Variants in TRERF1 observed in about 807,000 individuals in gnomAD.
TRERF1 encodes transcriptional-regulating factor 1.
In TRERF1, 27 loss-of-function variants were observed where a neutral mutation model predicts 122.9. The ratio of observed to expected loss-of-function variants is 0.22; its 90% confidence interval spans 0.16 to 0.30. The LOEUF (loss-of-function observed/expected upper bound fraction) is 0.30, where lower values mean the gene tolerates loss of function less well. TRERF1 is among the 10% of genes least tolerant of loss of function. The pLI is 1.00. For synonymous variants in TRERF1, 636 were observed against 641.7 expected (o/e 0.99, Z 0.13); for missense variants, 1,248 against 1,560.3 (o/e 0.80, Z 3.37).
At chr6:42,271,738 A>G (rs1780259931) in intron 4 of TRERF1, among the ~76,000 whole-genome samples, 1 of 152,316 alleles carries the variant, frequency 6.6e-6, no homozygotes, top group Admixed American at 6.5e-5. Context: ...AATAATTGTG[A>G]TAACTCAAAC....
intron 2 of TRERF1, among the ~76,000 whole-genome samples, chr6:42,442,899 C>A (rs1233744760): frequency 6.6e-6 from 1 of 152,138 alleles, no homozygotes; most frequent in Non-Finnish European, 1.5e-5. Flanking sequence ...ACAGGTGACT[C>A]TTAGTTGATC....
Position 42,268,646 on chromosome 6 carries a change from C to T in TRERF1, c.945G>A (p.Gln315=), listed in dbSNP as rs1254440144. 8.7e-6 allele frequency: 14 copies of T among 1,614,136 alleles called. No homozygotes were observed. The South Asian group carries it at 1.4e-4, about 16-fold the overall frequency. Residue 315 remains glutamine (Q), a synonymous_variant, in exon 5 of 18, where the codon CAG becomes CAA. Coordinates refer to ENST00000372922, the Ensembl canonical transcript of TRERF1. The surrounding 1 kb of genome is among the most constrained non-coding windows in gnomAD (Gnocchi z 4.4). ...GTATCTGCATTGAACCCTGCCGCTG[C>T]TGCAGCTGTAGCTGCTGCGGCTGCT...
intron 13 of TRERF1, among the ~76,000 whole-genome samples, chr6:42,247,966 A>C (rs1194062490): frequency 6.6e-6 from 1 of 152,182 alleles, no homozygotes. Context: ...TAGTACCCCA[A>C]ATCATAATAT....
At position 42,259,833 on chromosome 6, in the gene TRERF1, T is replaced by C; in HGVS notation, c.1885-110A>G. The C allele has an allele frequency of 4.7e-6, 7 of 1,475,126 alleles. No individual in the cohort carries two copies. The highest frequency in any genetic ancestry group is 4.5e-6 in the Non-Finnish European group (5 of 1,101,788). 91.4% of individuals were successfully genotyped at this position (1,475,126 alleles called of 1,614,324 possible). On this transcript the variant is annotated intron_variant, in intron 8 of 17. Coordinates refer to ENST00000372922, the Ensembl canonical transcript of TRERF1. This position sits in a 1 kb window ranked among gnomAD's most constrained non-coding sequence, Gnocchi z 4.9. The stretch of plus-strand genomic sequence containing the variant: ...CTGTCTAAGCAGAGAGCCCTTCTGC[T>C]TGACCCCCCCACCCCCAACGCCCCC...
rs1273827839 is a variant in TRERF1, at chr6:42,268,622, T to C, written c.969A>G (p.Ile323Met). 3 of 1,613,826 alleles carry C rather than the reference T, an allele frequency of 1.9e-6. No individual in the cohort carries two copies. Among genetic ancestry groups the C allele is most frequent in the East Asian group, 2.2e-5 (1 of 44,894 alleles). The change falls in exon 5 of 18, where the codon ATA becomes ATG. Residue 323 changes from isoleucine to methionine, a missense_variant. Coordinates refer to ENST00000372922, the Ensembl canonical transcript of TRERF1. This position sits in a 1 kb window ranked among gnomAD's most constrained non-coding sequence, Gnocchi z 4.4. Reference sequence around the variant, plus strand: ...TGGGTTGGGGCTGATAATACTGAGGTATCTGCATTGAACCCTGCCGCTGCT... The same window carrying C: ...TGGGTTGGGGCTGATAATACTGAGGCATCTGCATTGAACCCTGCCGCTGCT...
At chr6:42,349,451 G>A (rs1031314023) in intron 3 of TRERF1, among the ~76,000 whole-genome samples, 11 of 151,858 alleles carry the variant, frequency 7.2e-5, no homozygotes, top group African/African-American at 2.7e-4. Flanking sequence ...TAACTGATAG[G>A]GAATGAATGA....
chr6:42,301,165 G>GCA (rs1786102871), intron 3 of TRERF1, among the ~76,000 whole-genome samples: 2 of 152,194 alleles, frequency 1.3e-5, no homozygotes, highest in Non-Finnish European at 2.9e-5. Flanking sequence ...CAGCTTACAG[G>GCA]TGCCTTGGCA....
chr6:42,314,673 G>GTGACATCT (rs1425713753), intron 3 of TRERF1, among the ~76,000 whole-genome samples: 7 of 152,290 alleles, frequency 4.6e-5, no homozygotes, highest in Non-Finnish European at 7.4e-5. Flanking sequence ...AAATAGTCAG[G>GTGACATCT]GAAGCCCTCT....
intron 5 of TRERF1, among the ~76,000 whole-genome samples, chr6:42,266,374 A>T (rs941595772): frequency 6.6e-6 from 1 of 152,046 alleles, no homozygotes; most frequent in South Asian, 2.1e-4. Flanking sequence ...TTTTTTGTAG[A>T]GGCAAGGTCT....
At chr6:42,386,719 C>T (rs1423932912) in intron 2 of TRERF1, among the ~76,000 whole-genome samples, 1 of 152,182 alleles carries the variant, frequency 6.6e-6, no homozygotes, top group East Asian at 1.9e-4. Flanking sequence ...TGGGACCCTT[C>T]CGGATCTTTG....
chr6:42,240,289 A>C (rs924345500), intron 15 of TRERF1, among the ~76,000 whole-genome samples: 2 of 152,230 alleles, frequency 1.3e-5, no homozygotes, highest in African/African-American at 2.4e-5. Flanking sequence ...GGCACTGTGC[A>C]CTGTCCTAGG....
intron 3 of TRERF1, among the ~76,000 whole-genome samples, chr6:42,339,167 T>A (rs1025321289): frequency 3.5e-4 from 54 of 152,236 alleles, no homozygotes; most frequent in African/African-American, 1.3e-3. Context: ...CAATACCAGA[T>A]AACCACTGCC....
intron 2 of TRERF1, among the ~76,000 whole-genome samples, chr6:42,407,673 C>G (rs1214958426): frequency 6.6e-6 from 1 of 152,026 alleles, no homozygotes; most frequent in East Asian, 1.9e-4. Context: ...GTCTCTCCAC[C>G]GCAACGCATT....
At chr6:42,257,432 A>C (rs1342290502) in intron 10 of TRERF1, among the ~76,000 whole-genome samples, 3 of 152,232 alleles carry the variant, frequency 2.0e-5, no homozygotes, top group Admixed American at 1.3e-4. Flanking sequence ...CAACACAAAA[A>C]AGGGGACAAA....
At chr6:42,262,257 C>G (rs954540076) in intron 8 of TRERF1, among the ~76,000 whole-genome samples, 4 of 151,916 alleles carry the variant, frequency 2.6e-5, no homozygotes, top group Non-Finnish European at 5.9e-5. Context: ...TTTTTCTGTA[C>G]TTTTCTAGTT....
chr6:42,334,852 G>A (rs1399708070), intron 3 of TRERF1, among the ~76,000 whole-genome samples: 3 of 152,236 alleles, frequency 2.0e-5, no homozygotes, highest in Non-Finnish European at 4.4e-5. Flanking sequence ...GCTTGAGTGA[G>A]GCATCGGGGA....
intron 2 of TRERF1, among the ~76,000 whole-genome samples, chr6:42,448,085 C>T (rs750043619): frequency 6.6e-6 from 1 of 152,164 alleles, no homozygotes; most frequent in Non-Finnish European, 1.5e-5. Context: ...TAGTGAAATA[C>T]AGAGAATCCT....
chr6:42,363,899 T>C (rs990095357), intron 2 of TRERF1, among the ~76,000 whole-genome samples: 1 of 152,076 alleles, frequency 6.6e-6, no homozygotes, highest in Non-Finnish European at 1.5e-5. Flanking sequence ...TGTGAGACAA[T>C]AAATCTGTGG....
chr6:42,269,253 T>C lies in TRERF1; in HGVS notation c.338A>G (p.Gln113Arg). The change falls in exon 5 of 18, where the codon CAG becomes CGG. Residue 113 changes from glutamine to arginine, a missense_variant. By Grantham distance (43) the Gln-to-Arg change is conservative. Around this residue, in one of 5 missense-constraint regions of TRERF1, gnomAD observed 946 missense variants for 1,073.0 expected, o/e 0.88. Coordinates refer to ENST00000372922, the Ensembl canonical transcript of TRERF1. This position sits in a 1 kb window ranked among gnomAD's most constrained non-coding sequence, Gnocchi z 4.9. ...TTGGTAGCCATCAGTGGGCTCAGCC[T>C]GGGCTGGTGCCCCCCACATCATGTT... The C allele has an allele frequency of 6.2e-7, 1 of 1,614,228 alleles. No individual in the cohort carries two copies. The highest frequency in any genetic ancestry group is 8.5e-7 in the Non-Finnish European group (1 of 1,180,038).
Sources: allele counts gnomAD v4.1 joint callset (sites outside exome capture counted in the v4.1 genomes callset), GRCh38; gene constraint gnomAD v4.1.1; regional missense constraint gnomAD v4.1.1; non-coding constraint Gnocchi (gnomAD v3.1); transcripts MANE v1.5; gene names NCBI Gene and HGNC (gene_info 2026-07-23, HGNC 2026-07-21).